The following ENOX1 variants were observed in gnomAD, a reference collection of about 807,000 sequenced individuals.
The protein encoded by ENOX1 is ecto-NOX disulfide-thiol exchanger 1.
Under a neutral mutation model 82.5 loss-of-function variants are expected in ENOX1, and 42 were observed. The observed-to-expected ratio is 0.51, with a 90% CI of 0.40 to 0.66. The LOEUF (loss-of-function observed/expected upper bound fraction) is 0.66. Ranked by LOEUF, ENOX1 falls within the 30% of genes least tolerant of loss-of-function variation. The pLI is 0.00. For synonymous variants in ENOX1, 271 were observed against 282.2 expected (o/e 0.96, Z 0.40); for missense variants, 608 against 811.6 (o/e 0.75, Z 3.05).
chr13:43,667,619 T>C, intron 1 of ENOX1, 75 bp from the exon 2 acceptor site: 2 of 423,834 alleles, frequency 4.7e-6, no homozygotes, highest in Non-Finnish European at 6.3e-6. Context: ...CATATATATG[T>C]AAGCAGATGC....
chr13:43,426,211 A>G (rs2055291358), intron 3 of ENOX1, among the ~76,000 whole-genome samples: 1 of 152,230 alleles, frequency 6.6e-6, no homozygotes, highest in Admixed American at 6.5e-5. Flanking sequence ...ATAATTGTGG[A>G]AAAGAAGAAG....
intron 5 of ENOX1, among the ~76,000 whole-genome samples, chr13:43,378,413 G>A (rs1416932927): frequency 6.6e-6 from 1 of 152,174 alleles, no homozygotes; most frequent in East Asian, 1.9e-4. Flanking sequence ...AGCAAGTCTT[G>A]AGTTGAGAAC....
At chr13:43,356,960 G>C (rs2050197856) in intron 7 of ENOX1, among the ~76,000 whole-genome samples, 3 of 152,058 alleles carry the variant, frequency 2.0e-5, no homozygotes, top group African/African-American at 7.2e-5. Flanking sequence ...GGAAATCTTT[G>C]GGGGATTCAC....
intron 2 of ENOX1, among the ~76,000 whole-genome samples, chr13:43,630,070 AT>A (rs1157268473): frequency 6.6e-6 from 1 of 152,166 alleles, no homozygotes; most frequent in Admixed American, 6.5e-5. Context: ...AGTTTGAGGT[AT>A]TTTATTGGGA....
intron 12 of ENOX1, among the ~76,000 whole-genome samples, chr13:43,273,365 A>G (rs982605487): frequency 1.1e-4 from 17 of 152,130 alleles, no homozygotes; most frequent in African/African-American, 3.4e-4. Context: ...TTGACTTCCC[A>G]TGAATTAAAG....
intron 2 of ENOX1, among the ~76,000 whole-genome samples, chr13:43,556,007 C>T (rs2079420079): frequency 6.6e-6 from 1 of 152,182 alleles, no homozygotes; most frequent in African/African-American, 2.4e-5. Flanking sequence ...TCAAATCTCC[C>T]CTTACTTAAA....
chr13:43,351,837 T>C (rs145376089), intron 8 of ENOX1, among the ~76,000 whole-genome samples: 1 of 151,772 alleles, frequency 6.6e-6, no homozygotes, highest in Admixed American at 6.6e-5. Context: ...TGTTGGACAT[T>C]TGGGTTGGTT....
intron 2 of ENOX1, among the ~76,000 whole-genome samples, chr13:43,508,817 A>C (rs757175548): frequency 2.0e-4 from 31 of 152,026 alleles, no homozygotes; most frequent in Admixed American, 3.3e-4. Flanking sequence ...AGAAACAGCT[A>C]AAAAAAATTA....
intron 1 of ENOX1, among the ~76,000 whole-genome samples, chr13:43,702,401 G>A (rs1001237883): frequency 5.3e-5 from 8 of 152,190 alleles, no homozygotes; most frequent in African/African-American, 1.4e-4. Flanking sequence ...TATATCTGAT[G>A]CCAGAGGGGT....
Position 43,639,441 on chromosome 13 carries a change from T to C in ENOX1, c.-219+28038A>G, listed in dbSNP as rs988769530. On this transcript the variant is annotated intron_variant, in intron 2 of 16. Transcript: ENST00000690772. Reference sequence around the variant, plus strand: ...AAGAACCTAGTATTTTCTTAAAAAGTTTTGCCCTGAAGATACATTGACGGT... The same window carrying C: ...AAGAACCTAGTATTTTCTTAAAAAGCTTTGCCCTGAAGATACATTGACGGT... Among the ~76,000 whole-genome samples the C allele has an allele frequency of 2.0e-5, 3 of 152,140 alleles. No individual in the cohort carries two copies. The South Asian group carries it at 6.2e-4, about 31-fold the overall frequency.
chr13:43,753,370 G>A (rs911136809), intron 1 of ENOX1, among the ~76,000 whole-genome samples: 11 of 152,146 alleles, frequency 7.2e-5, no homozygotes, highest in African/African-American at 1.9e-4. Flanking sequence ...AATATTGTAC[G>A]GCTTCTGCAC....
chr13:43,401,726 G>A (rs897857608), intron 5 of ENOX1, among the ~76,000 whole-genome samples: 1 of 152,174 alleles, frequency 6.6e-6, no homozygotes. Flanking sequence ...GAGATCCAGA[G>A]AGAAGCAACC....
chr13:43,398,038 G>T (rs2053259095), intron 5 of ENOX1, among the ~76,000 whole-genome samples: 1 of 152,108 alleles, frequency 6.6e-6, no homozygotes, highest in South Asian at 2.1e-4. Flanking sequence ...ATTTAAAAGG[G>T]CACTGATCTC....
intron 1 of ENOX1, among the ~76,000 whole-genome samples, chr13:43,715,797 A>G (rs1423076567): frequency 6.6e-6 from 1 of 151,134 alleles, no homozygotes; most frequent in Non-Finnish European, 1.5e-5. Context: ...GTAGTTCTCG[A>G]GCCTTGGCTT....
intron 1 of ENOX1, among the ~76,000 whole-genome samples, chr13:43,729,244 T>A (rs2089179371): frequency 6.6e-6 from 1 of 152,220 alleles, no homozygotes; most frequent in Non-Finnish European, 1.5e-5. Flanking sequence ...GTATAAGAGC[T>A]AAATAAGTAT....
At chr13:43,608,617 C>T (rs2082069393) in intron 2 of ENOX1, among the ~76,000 whole-genome samples, 1 of 152,126 alleles carries the variant, frequency 6.6e-6, no homozygotes, top group African/African-American at 2.4e-5. Flanking sequence ...TAGGAGTTAA[C>T]CAAGAACTGC....
intron 2 of ENOX1, among the ~76,000 whole-genome samples, chr13:43,605,155 T>G (rs773436891): frequency 2.8e-4 from 42 of 151,948 alleles, no homozygotes; most frequent in Non-Finnish European, 5.7e-4. Flanking sequence ...TGGAAGAAAT[T>G]GAAGAGAACA....
At chr13:43,687,089 T>C (rs969011804) in intron 1 of ENOX1, among the ~76,000 whole-genome samples, 1 of 152,200 alleles carries the variant, frequency 6.6e-6, no homozygotes, top group African/African-American at 2.4e-5. Flanking sequence ...TTTGTACAAA[T>C]TGCTAAATTA....
At chr13:43,735,258 C>T (rs144250501) in intron 1 of ENOX1, among the ~76,000 whole-genome samples, 6 of 152,162 alleles carry the variant, frequency 3.9e-5, no homozygotes, top group African/African-American at 1.4e-4. Context: ...CAATTACAAC[C>T]TGGCTTTTCT....
Sources: allele counts gnomAD v4.1 joint callset (sites outside exome capture counted in the v4.1 genomes callset), GRCh38; gene constraint gnomAD v4.1.1; transcripts MANE v1.5; gene names NCBI Gene and HGNC (gene_info 2026-07-23, HGNC 2026-07-21).